GABRG3: variants seen among roughly 807,000 people sequenced by gnomAD.
GABRG3 encodes gamma-aminobutyric acid type A receptor subunit gamma3.
GABRG3 carries 25 observed loss-of-function variants against 48.8 expected under a neutral mutation model. That is an observed-to-expected ratio of 0.51 (90% CI 0.37 to 0.72). The LOEUF (loss-of-function observed/expected upper bound fraction) is 0.72. Among genes scored for constraint, GABRG3 ranks in the 30% least tolerant of loss-of-function variants. The pLI, the probability that GABRG3 is intolerant of heterozygous loss-of-function variation, is 0.00. For missense variants in GABRG3, 394 were observed against 577.9 expected, an observed-to-expected ratio of 0.68 and a Z score of 3.26; for synonymous variants, 227 against 217.6, an observed-to-expected ratio of 1.04 and a Z score of -0.38.
intron 3 of GABRG3, among the ~76,000 whole-genome samples, chr15:27,129,296 G>A (rs1489124825): frequency 6.6e-6 from 1 of 152,012 alleles, no homozygotes; most frequent in Non-Finnish European, 1.5e-5. Flanking sequence ...TTTATATAGT[G>A]GAATCATACA....
intron 5 of GABRG3, among the ~76,000 whole-genome samples, chr15:27,357,777 C>T (rs546289164): frequency 7.2e-5 from 11 of 152,180 alleles, no homozygotes; most frequent in Non-Finnish European, 1.6e-4. Flanking sequence ...TTAGACTTTT[C>T]AGATAATGAT....
chr15:27,147,504 ATTCTT>A (rs1304234640), intron 3 of GABRG3, among the ~76,000 whole-genome samples: 3 of 152,042 alleles, frequency 2.0e-5, no homozygotes, highest in African/African-American at 7.2e-5. Context: ...TGGAATACAT[ATTCTT>A]TTCAAGTGTA....
At chr15:27,298,675 T>C (rs1008216137) in intron 3 of GABRG3, among the ~76,000 whole-genome samples, 2 of 152,044 alleles carry the variant, frequency 1.3e-5, no homozygotes, top group Admixed American at 1.3e-4. Context: ...TTTTTTTTTA[T>C]ATTTCCAATC....
chr15:27,197,861 A>G (rs1207336312), intron 3 of GABRG3, among the ~76,000 whole-genome samples: 1 of 152,054 alleles, frequency 6.6e-6, no homozygotes, highest in Non-Finnish European at 1.5e-5. Flanking sequence ...CCAGGAATTT[A>G]TCCATTTCTT....
chr15:27,143,475 G>A (rs938354252), intron 3 of GABRG3, among the ~76,000 whole-genome samples: 2 of 152,172 alleles, frequency 1.3e-5, no homozygotes, highest in Admixed American at 6.5e-5. Context: ...ATTCTCACAG[G>A]TTGACATTTA....
chr15:27,111,960 A>G (rs1337376877), intron 3 of GABRG3, among the ~76,000 whole-genome samples: 8 of 152,132 alleles, frequency 5.3e-5, no homozygotes, highest in Non-Finnish European at 2.9e-5. Flanking sequence ...TACAACAGTT[A>G]CACTCCCCAT....
intron 3 of GABRG3, among the ~76,000 whole-genome samples, chr15:27,031,648 C>G (rs528541815): frequency 6.6e-6 from 1 of 152,168 alleles, no homozygotes; most frequent in African/African-American, 2.4e-5. Flanking sequence ...AGATGACATG[C>G]AGCCAGAGAA....
chr15:27,290,448 C>A (rs1275381485), intron 3 of GABRG3, among the ~76,000 whole-genome samples: 2 of 152,020 alleles, frequency 1.3e-5, no homozygotes, highest in Admixed American at 6.6e-5. Flanking sequence ...AGAAAGCTGG[C>A]AAATATGATC....
chr15:27,192,333 T>C (rs1182413946), intron 3 of GABRG3, among the ~76,000 whole-genome samples: 1 of 152,208 alleles, frequency 6.6e-6, no homozygotes, highest in Non-Finnish European at 1.5e-5. Flanking sequence ...CCAACTTGGT[T>C]CCATTCTCCC....
chr15:27,287,751 T>C (rs1891662972), intron 3 of GABRG3, among the ~76,000 whole-genome samples: 1 of 148,984 alleles, frequency 6.7e-6, no homozygotes, highest in Admixed American at 6.7e-5. Context: ...TTTTTTTTTT[T>C]TTTTTGAGAT....
chr15:27,044,069 A>C (rs1469792854), intron 3 of GABRG3, among the ~76,000 whole-genome samples: 1 of 152,138 alleles, frequency 6.6e-6, no homozygotes, highest in Non-Finnish European at 1.5e-5. Flanking sequence ...GGATCAGGGG[A>C]GGTGAGAGAG....
rs573684075 is a variant in GABRG3, at chr15:27,072,701, A to G, written c.270+45880A>G. ...TGCCTTCCTCAGCCCCTGGCTCCCA[A>G]GGTGCCCCAGGATTGTTTCCATACC... On this transcript the variant is annotated intron_variant, in intron 3 of 9. Transcript: ENST00000615808. Among the ~76,000 whole-genome samples the G allele has an allele frequency of 9.2e-5, 14 of 152,328 alleles. No individual in the cohort carries two copies. The South Asian group carries it at 2.5e-3, about 27-fold the overall frequency.
At chr15:27,519,504 A>T (rs11634802) in intron 6 of GABRG3, among the ~76,000 whole-genome samples, 96,386 of 152,052 alleles carry the variant, frequency 0.63, 31,948 homozygotes, top group African/African-American at 0.84. Context: ...CAAAACTTAA[A>T]GATATAAATA....
At chr15:27,470,484 CAGCCTCCCAA>C (rs1278353496) in intron 5 of GABRG3, among the ~76,000 whole-genome samples, 5 of 151,864 alleles carry the variant, frequency 3.3e-5, no homozygotes, top group African/African-American at 7.3e-5. Context: ...CCACTCACCT[CAGCCTCCCAA>C]AGTGCTAGGA....
At chr15:27,211,884 T>C (rs534075455) in intron 3 of GABRG3, among the ~76,000 whole-genome samples, 2 of 152,232 alleles carry the variant, frequency 1.3e-5, no homozygotes, top group Non-Finnish European at 2.9e-5. Context: ...ATCTAACTTA[T>C]TTCTAGATGA....
At chr15:27,096,302 G>A (rs959150919) in intron 3 of GABRG3, among the ~76,000 whole-genome samples, 1 of 152,236 alleles carries the variant, frequency 6.6e-6, no homozygotes, top group African/African-American at 2.4e-5. Context: ...CCCTTCAGGA[G>A]CATCTAGTGC....
intron 2 of GABRG3, among the ~76,000 whole-genome samples, chr15:27,017,576 G>A (rs368747145): frequency 2.0e-5 from 3 of 152,074 alleles, no homozygotes; most frequent in South Asian, 2.1e-4. Flanking sequence ...ACAAAAAGTC[G>A]GAATGTTGAA....
intron 3 of GABRG3, among the ~76,000 whole-genome samples, chr15:27,239,968 G>A (rs755548046): frequency 1.4e-4 from 22 of 152,156 alleles, no homozygotes; most frequent in Non-Finnish European, 2.6e-4. Context: ...TATAATACTA[G>A]TAATGATTGG....
chr15:27,389,324 A>G (rs1048601449), intron 5 of GABRG3, among the ~76,000 whole-genome samples: 8 of 152,228 alleles, frequency 5.3e-5, no homozygotes, highest in Non-Finnish European at 8.8e-5. Flanking sequence ...GGGTAGTTTT[A>G]TGATAGCGTA....
Sources: allele counts gnomAD v4.1 joint callset (sites outside exome capture counted in the v4.1 genomes callset), GRCh38; gene constraint gnomAD v4.1.1; transcripts MANE v1.5; gene names NCBI Gene and HGNC (gene_info 2026-07-23, HGNC 2026-07-21).